The following CSGALNACT1 variants were observed in gnomAD, a reference collection of about 807,000 sequenced individuals.
CSGALNACT1 encodes chondroitin sulfate N-acetylgalactosaminyltransferase 1, also known as beta4GalNAcT-1.
In CSGALNACT1, 52 loss-of-function variants were observed where a neutral mutation model predicts 51.0. The observed-to-expected ratio is 1.02, with a 90% CI of 0.82 to 1.29. The LOEUF (loss-of-function observed/expected upper bound fraction) is 1.29. Among genes scored for constraint, CSGALNACT1 ranks in the 50% most tolerant of loss-of-function variants. CSGALNACT1 has a pLI of 0.00. For missense variants in CSGALNACT1, 935 were observed against 679.2 expected (o/e 1.38, Z -4.19); for synonymous variants, 341 against 254.4 (o/e 1.34, Z -3.24).
chr8:19,610,414 C>T (rs1195410657), intron 1 of CSGALNACT1, among the ~76,000 whole-genome samples: 1 of 151,916 alleles, frequency 6.6e-6, no homozygotes, highest in Non-Finnish European at 1.5e-5. Context: ...CATTTCCTGC[C>T]CAAATGTTGC....
chr8:19,478,915 G>A (rs1332837700), intron 4 of CSGALNACT1, among the ~76,000 whole-genome samples: 1 of 152,108 alleles, frequency 6.6e-6, no homozygotes, highest in Non-Finnish European at 1.5e-5. Context: ...GTCATTTTAG[G>A]TTGCTAATGT....
At chr8:19,423,200 A>G (rs1238669173) in intron 6 of CSGALNACT1, among the ~76,000 whole-genome samples, 1 of 152,232 alleles carries the variant, frequency 6.6e-6, no homozygotes, top group East Asian at 1.9e-4. Context: ...AGGCTGCATT[A>G]AATGAGCTGC....
At chr8:19,690,501 A>C (rs2061244233) in intron 1 of CSGALNACT1, among the ~76,000 whole-genome samples, 2 of 152,244 alleles carry the variant, frequency 1.3e-5, no homozygotes, top group Non-Finnish European at 2.9e-5. Flanking sequence ...CTTTCTCCTA[A>C]CTCAGAGTTT....
chr8:19,655,154 C>A (rs1172899164), intron 1 of CSGALNACT1, among the ~76,000 whole-genome samples: 1 of 152,078 alleles, frequency 6.6e-6, no homozygotes, highest in Non-Finnish European at 1.5e-5. Context: ...TGGAATGGTG[C>A]AAAGATTTTC....
At chr8:19,589,068 C>T (rs957868754) in intron 3 of CSGALNACT1, among the ~76,000 whole-genome samples, 3 of 152,122 alleles carry the variant, frequency 2.0e-5, no homozygotes, top group East Asian at 1.9e-4. Context: ...CAGCAAAGAT[C>T]GGCTGACTAT....
At chr8:19,625,112 C>T (rs1309107142) in intron 1 of CSGALNACT1, among the ~76,000 whole-genome samples, 3 of 152,140 alleles carry the variant, frequency 2.0e-5, no homozygotes, top group African/African-American at 7.2e-5. Context: ...ATTCACATTC[C>T]ATTGGCCAGA....
In CSGALNACT1 at chr8:19,531,392, A is replaced by C. The variant is rs190941689; in HGVS notation, c.-296-25262T>G. Among the ~76,000 whole-genome samples the C allele has an allele frequency of 1.1e-3, 174 of 152,342 alleles. 3 individuals are homozygous for C. The highest frequency in any genetic ancestry group is 3.9e-3 in the African/African-American group (164 of 41,568). On this transcript the variant is annotated intron_variant, in intron 3 of 9. Coordinates refer to ENST00000454498, the Ensembl canonical transcript of CSGALNACT1. ...GAGACATATTCTGGACTGCTAAAGA[A>C]ATTGCAGGGCAGGAGGCAGAACACC...
chr8:19,626,811 C>T (rs1366212167), intron 1 of CSGALNACT1, among the ~76,000 whole-genome samples: 1 of 152,108 alleles, frequency 6.6e-6, no homozygotes, highest in Non-Finnish European at 1.5e-5. Flanking sequence ...TGAGTAAGTA[C>T]ATCCTTAGCC....
At chr8:19,684,327 T>C (rs1019790172), upstream of CSGALNACT1, among the ~76,000 whole-genome samples, 2 of 152,188 alleles carry the variant, frequency 1.3e-5, no homozygotes, top group Non-Finnish European at 2.9e-5. Flanking sequence ...GGTACGTTCA[T>C]TGACAAAGGT....
chr8:19,451,208 T>G (rs1233830420), intron 5 of CSGALNACT1, among the ~76,000 whole-genome samples: 1 of 152,170 alleles, frequency 6.6e-6, no homozygotes, highest in Non-Finnish European at 1.5e-5. Flanking sequence ...CTTCTCTTCA[T>G]TAAATATGAA....
chr8:19,723,257 C>T (rs544349540), intron 1 of CSGALNACT1, among the ~76,000 whole-genome samples: 6 of 152,092 alleles, frequency 3.9e-5, no homozygotes, highest in African/African-American at 1.4e-4. Flanking sequence ...GGGTATACAC[C>T]CAAATAAATG....
intron 4 of CSGALNACT1, among the ~76,000 whole-genome samples, chr8:19,483,062 C>G (rs562481270): frequency 2.7e-4 from 41 of 152,248 alleles, no homozygotes; most frequent in Non-Finnish European, 4.9e-4. Context: ...GATCAATTAC[C>G]AAGCCCCATG....
At chr8:19,630,485 C>T (rs781188350) in intron 1 of CSGALNACT1, among the ~76,000 whole-genome samples, 1 of 151,872 alleles carries the variant, frequency 6.6e-6, no homozygotes, top group Non-Finnish European at 1.5e-5. Context: ...CCAATATGGA[C>T]ACACTATTAT....
chr8:19,602,892 C>T (rs140482439), upstream of CSGALNACT1: 15 of 152,018 alleles, frequency 9.9e-5, no homozygotes, highest in African/African-American at 3.4e-4. Flanking sequence ...GTCCTCCTTC[C>T]CGAGTTGTCA....
chr8:19,730,223 G>A (rs1255608390), intron 1 of CSGALNACT1, among the ~76,000 whole-genome samples: 1 of 147,798 alleles, frequency 6.8e-6, no homozygotes, highest in Non-Finnish European at 1.5e-5. Flanking sequence ...TACACTCAAT[G>A]TCCCCGTTCC....
intron 1 of CSGALNACT1, among the ~76,000 whole-genome samples, chr8:19,639,752 C>T (rs577647373): frequency 2.0e-5 from 3 of 152,202 alleles, no homozygotes; most frequent in Non-Finnish European, 4.4e-5. Context: ...TGCTCTGACC[C>T]GCTCCATGTC....
intron 4 of CSGALNACT1, among the ~76,000 whole-genome samples, chr8:19,476,192 G>A (rs1586819597): frequency 6.6e-6 from 1 of 152,048 alleles, no homozygotes. Flanking sequence ...TTGGCCTATA[G>A]GAATAGATAA....
intron 6 of CSGALNACT1, among the ~76,000 whole-genome samples, chr8:19,439,541 C>G (rs1197211202): frequency 1.3e-5 from 2 of 152,140 alleles, no homozygotes; most frequent in Non-Finnish European, 2.9e-5. Context: ...ATGATGACAC[C>G]CAGTTATATG....
At chr8:19,520,507 C>T (rs1265489394) in intron 3 of CSGALNACT1, among the ~76,000 whole-genome samples, 1 of 152,218 alleles carries the variant, frequency 6.6e-6, no homozygotes, top group Admixed American at 6.5e-5. Flanking sequence ...GCAATCTCTA[C>T]TAGGGAGTTA....
Sources: gnomAD v4.1 joint callset for allele counts (sites outside exome capture counted in the v4.1 genomes callset) on GRCh38, gnomAD v4.1.1 for gene constraint, MANE v1.5 for transcripts, NCBI Gene and HGNC (gene_info 2026-07-23, HGNC 2026-07-21) for gene names.